CERS1: variants seen among roughly 807,000 people sequenced by gnomAD.
CERS1 encodes the protein ceramide synthase 1, also known as Embryonic growth/differentiation factor 1.
Under a neutral mutation model 35.7 loss-of-function variants are expected in CERS1, and 16 were observed. The observed-to-expected ratio is 0.45, with a 90% CI of 0.30 to 0.68. CERS1 has a LOEUF of 0.68. Ranked by LOEUF, CERS1 falls within the 30% of genes least tolerant of loss-of-function variation. CERS1 has a pLI of 0.08. For missense variants in CERS1, 454 were observed against 453.9 expected (o/e 1.00, Z 0.00); for synonymous variants, 243 against 201.6 (o/e 1.21, Z -1.74).
intron 6 of CERS1, among the ~76,000 whole-genome samples, chr19:18,876,352 T>C (rs982666907): frequency 2.0e-5 from 3 of 152,056 alleles, no homozygotes; most frequent in Non-Finnish European, 4.4e-5. Context: ...TGTTTTGGTT[T>C]GTCTTTTTTC....
intron 4 of CERS1, among the ~76,000 whole-genome samples, 159 bp from the exon 5 acceptor site, chr19:18,879,547 C>A (rs1201139230): frequency 6.6e-6 from 1 of 151,366 alleles, no homozygotes; most frequent in Non-Finnish European, 1.5e-5. Context: ...CCCTCCCCTG[C>A]CATGCCCCGC....
At chr19:18,894,107 G>A (rs1319761503) in intron 1 of CERS1, among the ~76,000 whole-genome samples, 1 of 151,332 alleles carries the variant, frequency 6.6e-6, no homozygotes, top group Non-Finnish European at 1.5e-5. Context: ...GAACCTGGGG[G>A]CGATGAAAGG....
intron 6 of CERS1, among the ~76,000 whole-genome samples, chr19:18,874,345 C>T (rs757150607): frequency 1.3e-5 from 2 of 152,146 alleles, no homozygotes; most frequent in Non-Finnish European, 2.9e-5. Context: ...GCTCTGTTAC[C>T]GCAGCTGGGG....
At position 18,896,016 on chromosome 19, in the gene CERS1, G is replaced by A; in HGVS notation, c.57C>T (p.Tyr19=). The A allele has an allele frequency of 9.9e-7, 1 of 1,009,008 alleles. No homozygotes were observed. Among genetic ancestry groups the A allele is most frequent in the Non-Finnish European group, 1.2e-6 (1 of 846,362 alleles). The allele number at this position is 1,009,008 out of a possible 1,614,324, so 62.5% of individuals were successfully genotyped here. The change falls in exon 1 of 8, where the codon TAC becomes TAT. Residue 19 remains tyrosine, a synonymous_variant. Transcript: ENST00000623882. This position sits in a 1 kb window ranked among gnomAD's most constrained non-coding sequence, Gnocchi z 5.9. The stretch of plus-strand genomic sequence containing the variant: ...CCCAGCCGCGCTGCACTAGCTGCGC[G>A]TAGCTCGGCATGGGCTCGGGCCCCG... ...GPTGPEPMPS[Y]AQLVQRGWGS...
In CERS1 at chr19:18,895,618, G is replaced by A. The variant is rs1307004782; in HGVS notation, c.249+206C>T. Among the ~76,000 whole-genome samples, 1 of 151,662 alleles carries A rather than the reference G, an allele frequency of 6.6e-6. No individual in the cohort carries two copies. The highest frequency in any genetic ancestry group is 1.5e-5 in the Non-Finnish European group (1 of 67,882). On this transcript the variant is annotated intron_variant, in intron 1 of 7. Transcript: ENST00000623882. The surrounding 1 kb of genome is among the most constrained non-coding windows in gnomAD (Gnocchi z 6.4). ...GTTCCCCCACGCAGCACTGTCTGAAGGGGGCGCGCGGCGGCCCGAGAGACC... is the reference window on the plus strand; with the variant it reads ...GTTCCCCCACGCAGCACTGTCTGAAAGGGGCGCGCGGCGGCCCGAGAGACC...
intron 3 of CERS1, among the ~76,000 whole-genome samples, chr19:18,883,708 C>A (rs2056273018): frequency 6.6e-6 from 1 of 152,174 alleles, no homozygotes; most frequent in Non-Finnish European, 1.5e-5. Flanking sequence ...GGTGTGTCAG[C>A]TGCGTTCACA....
At chr19:18,874,680 C>T (rs1055700461) in intron 6 of CERS1, among the ~76,000 whole-genome samples, 8 of 152,162 alleles carry the variant, frequency 5.3e-5, no homozygotes, top group African/African-American at 1.4e-4. Context: ...AAGGAAGCTA[C>T]GGGCGTCAGT....
At position 18,878,739 on chromosome 19, in the gene CERS1, A is replaced by C; in HGVS notation, c.1010+191T>G. ...CCCCAGCCTCTCCCTCCCCTTCCTCACTGTCCTGTCCTTCAGGGTACTGGC... is the reference window on the plus strand; with the variant it reads ...CCCCAGCCTCTCCCTCCCCTTCCTCCCTGTCCTGTCCTTCAGGGTACTGGC... On this transcript the variant is annotated intron_variant, in intron 6 of 7. Coordinates refer to ENST00000623882, the MANE Select transcript of CERS1 (RefSeq NM_021267.5). The surrounding 1 kb of genome is among the most constrained non-coding windows in gnomAD (Gnocchi z 4.6). 1 of 1,389,704 alleles carries C rather than the reference A, an allele frequency of 7.2e-7. No individual in the cohort carries two copies. The highest frequency in any genetic ancestry group is 9.3e-7 in the Non-Finnish European group (1 of 1,070,008). The allele number at this position is 1,389,704 out of a possible 1,614,324, so 86.1% of individuals were successfully genotyped here.
rs1568289326 is a variant in CERS1 at position 18,868,665 on chromosome 19, CAAA to C, written c.*1317_*1319del. On this transcript the variant is annotated 3_prime_UTR_variant, in exon 8 of 8. Transcript: ENST00000623882. ...CGCAGCACCACGTTGTCGCTGTTGT[CAAA>C]GAAGAGCACGGAGATGGGCGACAGG... The C allele has an allele frequency of 1.9e-6, 3 of 1,574,714 alleles. No homozygotes were observed. Among genetic ancestry groups the C allele is most frequent in the Non-Finnish European group, 1.7e-6 (2 of 1,160,144 alleles).
intron 2 of CERS1, among the ~76,000 whole-genome samples, chr19:18,889,169 G>A (rs1015756905): frequency 1.3e-5 from 2 of 152,032 alleles, no homozygotes; most frequent in Admixed American, 1.3e-4. Flanking sequence ...TAGGATTACA[G>A]GTGTGAGCCA....
At position 18,869,063 on chromosome 19, in the gene CERS1, G is replaced by T. The variant is rs899464952; in HGVS notation, c.*922C>A. ...GGCGGCAGGGGCCCGGGGGCGTAGC[G>T]CCAGCGCCAGGCGGAGGCTGCGCGG... On this transcript the variant is annotated 3_prime_UTR_variant, in exon 8 of 8. Transcript: ENST00000623882. The T allele has an allele frequency of 1.0e-5, 11 of 1,059,724 alleles. No individual in the cohort carries two copies. In the African/African-American group the frequency reaches 1.9e-4, roughly 18 times the overall value. The allele number at this position is 1,059,724 out of a possible 1,614,324, so 65.6% of individuals were successfully genotyped here.
chr19:18,889,903 A>T (rs768652287), intron 2 of CERS1, among the ~76,000 whole-genome samples: 1 of 152,068 alleles, frequency 6.6e-6, no homozygotes, highest in Non-Finnish European at 1.5e-5. Flanking sequence ...GGTGGCAGCA[A>T]ATACTATCAG....
intron 2 of CERS1, among the ~76,000 whole-genome samples, chr19:18,886,674 A>C (rs1463436946): frequency 2.0e-5 from 3 of 152,242 alleles, no homozygotes; most frequent in Middle Eastern, 3.4e-3. Context: ...CCCTTTCTGC[A>C]GACCCCCAAG....
At position 18,868,690 on chromosome 19, in the gene CERS1, C is replaced by T. The variant is rs1164234556; in HGVS notation, c.*1295G>A. 2 of 1,562,640 alleles carry T rather than the reference C, an allele frequency of 1.3e-6. No individual in the cohort carries two copies. Among genetic ancestry groups the T allele is most frequent in the Non-Finnish European group, 1.7e-6 (2 of 1,153,402 alleles). On this transcript the variant is annotated 3_prime_UTR_variant, in exon 8 of 8. Transcript: ENST00000623882. Reference sequence around the variant, plus strand: ...CAAAGAAGAGCACGGAGATGGGCGACAGGCGCGCGGGCACGCAGCAGGGCA... The same window carrying T: ...CAAAGAAGAGCACGGAGATGGGCGATAGGCGCGCGGGCACGCAGCAGGGCA...
rs2056545788 is a variant in CERS1 at position 18,893,452 on chromosome 19, A to T, written c.373T>A (p.Tyr125Asn). Residue 125 changes from tyrosine to asparagine, a missense_variant, in exon 2 of 8, where the codon TAC becomes AAC. By Grantham distance (143) the Tyr-to-Asn change is moderately radical. Coordinates refer to ENST00000623882, the MANE Select transcript of CERS1 (RefSeq NM_021267.5). ...GATGGTGGGTCATGGAAGAAGGGGT[A>T]GTCGGTGCCAAACAGCAGGTAGGCA... Reference protein sequence around the residue: ...YSAYLLFGTDYPFFHDPPSVF... With the variant: ...YSAYLLFGTDNPFFHDPPSVF... 6.2e-7 allele frequency: 1 copy of T among 1,606,300 alleles called. No homozygotes were observed. The highest frequency in any genetic ancestry group is 1.1e-5 in the South Asian group (1 of 89,512).
intron 6 of CERS1, among the ~76,000 whole-genome samples, chr19:18,873,215 T>A (rs545982998): frequency 6.6e-6 from 1 of 151,886 alleles, no homozygotes; most frequent in Non-Finnish European, 1.5e-5. Flanking sequence ...GGGGGCTGAT[T>A]TGAGATATTT....
At position 18,878,283 on chromosome 19, in the gene CERS1, C is replaced by A. The variant is rs2056102042; in HGVS notation, c.1010+647G>T. ...TTACCCAGTTTGGCCTCCGTTCATC[C>A]CTGGCCCAGACACCCCCTGCCTGCC... is the stretch of plus-strand genomic sequence containing the variant. On this transcript the variant is annotated intron_variant, in intron 6 of 7. Coordinates refer to ENST00000623882, the MANE Select transcript of CERS1 (RefSeq NM_021267.5). The surrounding 1 kb of genome is among the most constrained non-coding windows in gnomAD (Gnocchi z 4.6). 2.0e-6 allele frequency: 2 copies of A among 986,020 alleles called. No individual in the cohort carries two copies. The highest frequency in any genetic ancestry group is 1.7e-5 in the African/African-American group (1 of 57,322). 61.1% of individuals were successfully genotyped at this position (986,020 alleles called of 1,614,324 possible).
At chr19:18,888,772 G>A (rs2056422643) in intron 2 of CERS1, among the ~76,000 whole-genome samples, 2 of 151,912 alleles carry the variant, frequency 1.3e-5, no homozygotes, top group Admixed American at 1.3e-4. Flanking sequence ...AGAGGCTGTG[G>A]TGAGCCAAGA....
In CERS1 at chr19:18,868,723, G is replaced by A; in HGVS notation, c.*1262C>T. ...CGGGCACGCAGCAGGGCAGGTCGGC[G>A]GCTCCCGGGGCGGCCGCGTGCATGA... On this transcript the variant is annotated 3_prime_UTR_variant, in exon 8 of 8. Coordinates refer to ENST00000623882, the MANE Select transcript of CERS1 (RefSeq NM_021267.5). 2 of 1,539,390 alleles carry A rather than the reference G, an allele frequency of 1.3e-6. No homozygotes were observed. The highest frequency in any genetic ancestry group is 1.8e-6 in the Non-Finnish European group (2 of 1,140,082).
Sources: gnomAD v4.1 joint callset for allele counts (sites outside exome capture counted in the v4.1 genomes callset) on GRCh38, gnomAD v4.1.1 for gene constraint, Gnocchi (gnomAD v3.1) non-coding constraint, MANE v1.5 for transcripts, NCBI Gene and HGNC (gene_info 2026-07-23, HGNC 2026-07-21) for gene names.